PCDHGA6: variants seen among roughly 807,000 people sequenced by gnomAD.
The protein encoded by PCDHGA6 is protocadherin gamma subfamily A, 6, also known as protocadherin gamma-A6.
A neutral mutation model predicts 60.6 loss-of-function variants in PCDHGA6; 41 were observed. That is an observed-to-expected ratio of 0.68 (90% CI 0.53 to 0.88). The LOEUF is 0.88. Ranked by LOEUF, PCDHGA6 falls within the 40% of genes least tolerant of loss-of-function variation. The pLI is 0.00. For missense variants in PCDHGA6, 1,312 were observed against 1,203.0 expected (o/e 1.09, Z -1.34); for synonymous variants, 594 against 524.4 (o/e 1.13, Z -1.81).
intron 1 of PCDHGA6, chr5:141,414,822 C>A: frequency 6.2e-7 from 1 of 1,614,240 alleles, no homozygotes; most frequent in Non-Finnish European, 8.5e-7. Context: ...TCAGCAGCAA[C>A]GTGTCGTTGA....
chr5:141,511,486 TC>T lies in PCDHGA6; in HGVS notation c.*315del. The T allele has an allele frequency of 2.2e-6, 1 of 449,906 alleles. No homozygotes were observed. 27.9% of individuals were successfully genotyped at this position (449,906 alleles called of 1,614,324 possible). A position where few individuals can be genotyped will look rare whatever the true frequency, so the allele number is the denominator to read the frequency against. On this transcript the variant is annotated 3_prime_UTR_variant, in exon 4 of 4. Transcript: ENST00000517434. ...CCCCGTTTAGTTACAGCTGAACTCC[TC>T]CATCTTCCAAATCAATCAGGCCCAT...
chr5:141,391,744 C>T (rs559357798), intron 1 of PCDHGA6: 1 of 152,230 alleles, frequency 6.6e-6, no homozygotes, highest in South Asian at 2.1e-4. Context: ...TCATACTTAT[C>T]CTTTGGCTTC....
At chr5:141,461,617 C>T (rs1297064745) in intron 1 of PCDHGA6, among the ~76,000 whole-genome samples, 1 of 152,090 alleles carries the variant, frequency 6.6e-6, no homozygotes, top group African/African-American at 2.4e-5. Flanking sequence ...AAAGTATTTT[C>T]TAATACACCT....
intron 1 of PCDHGA6, among the ~76,000 whole-genome samples, chr5:141,457,517 TTAA>T (rs1261688593): frequency 6.6e-6 from 1 of 152,196 alleles, no homozygotes; most frequent in Non-Finnish European, 1.5e-5. Flanking sequence ...TTAAAAACAA[TTAA>T]TGAGACTAGG....
intron 1 of PCDHGA6, among the ~76,000 whole-genome samples, chr5:141,439,224 T>C (rs989512996): frequency 2.2e-4 from 33 of 152,030 alleles, no homozygotes; most frequent in Middle Eastern, 3.4e-3. Context: ...TGAAAATTCT[T>C]AGAAGCTTCC....
intron 1 of PCDHGA6, chr5:141,390,623 T>C (rs2092193421): frequency 3.8e-6 from 1 of 264,274 alleles, no homozygotes; most frequent in African/African-American, 2.3e-5. Flanking sequence ...TGTTGACTAA[T>C]ATATGATGAA....
rs1321974739 is a variant in PCDHGA6, at chr5:141,432,755, G to A, written c.2424+56248G>A. The A allele has an allele frequency of 2.5e-6, 4 of 1,614,134 alleles. No individual in the cohort carries two copies. Among genetic ancestry groups the A allele is most frequent in the African/African-American group, 1.3e-5 (1 of 75,060 alleles). On this transcript the variant is annotated intron_variant, in intron 1 of 3. Coordinates refer to ENST00000517434, the MANE Select transcript of PCDHGA6 (RefSeq NM_018919.3). This position sits in a 1 kb window ranked among gnomAD's most constrained non-coding sequence, Gnocchi z 6.0. ...TGTCACGCTCACCGTGGCCGTGGCC[G>A]ACAGCATCCCCCAAGTCCTGGCGGA...
intron 1 of PCDHGA6, among the ~76,000 whole-genome samples, chr5:141,407,428 G>A (rs1211459456): frequency 6.6e-6 from 1 of 151,524 alleles, no homozygotes; most frequent in Non-Finnish European, 1.5e-5. Context: ...AATGTCTCTT[G>A]CCCTTAAAAC....
Position 141,376,463 on chromosome 5 carries a change from A to C in PCDHGA6, c.2380A>C (p.Thr794Pro), listed in dbSNP as rs1772718380. ...SYEKSEPLLITQDLLETKGEP... is the reference protein window; with the variant it reads ...SYEKSEPLLIPQDLLETKGEP... The stretch of plus-strand genomic sequence containing the variant: ...TGAGAAAAGCGAGCCTCTTCTGATA[A>C]CTCAGGATTTACTTGAAACGAAAGG... Residue 794 changes from threonine to proline, a missense_variant, in exon 1 of 4, where the codon ACT becomes CCT. Transcript: ENST00000517434. 1 of 1,614,212 alleles carries C rather than the reference A, an allele frequency of 6.2e-7. No homozygotes were observed. Among genetic ancestry groups the C allele is most frequent in the South Asian group, 1.1e-5 (1 of 91,088 alleles).
rs538105673 is a variant in PCDHGA6, at chr5:141,427,796, C to T, written c.2424+51289C>T. On this transcript the variant is annotated intron_variant, in intron 1 of 3. Transcript: ENST00000517434. Reference sequence around the variant, plus strand: ...TGCGGGCACTGTCGTCCTACGTGTCCGTGAGCGCACAGAGCGGGGTGGTGG... The same window carrying T: ...TGCGGGCACTGTCGTCCTACGTGTCTGTGAGCGCACAGAGCGGGGTGGTGG... The T allele has an allele frequency of 3.6e-4, 547 of 1,502,104 alleles. 5 individuals carry two copies. In the South Asian group the frequency reaches 5.9e-3, roughly 16 times the overall value. The allele number at this position is 1,502,104 out of a possible 1,614,324, so 93.0% of individuals were successfully genotyped here.
At position 141,489,585 on chromosome 5, in the gene PCDHGA6, G is replaced by A; in HGVS notation, c.2425-5222G>A. 3 of 1,614,090 alleles carry A rather than the reference G, an allele frequency of 1.9e-6. No individual in the cohort carries two copies. Among genetic ancestry groups the A allele is most frequent in the Non-Finnish European group, 2.5e-6 (3 of 1,180,004 alleles). The stretch of plus-strand genomic sequence containing the variant: ...AGGTGGTGACTGAACACCCCCTGGA[G>A]CTAATCCGTGTAGAGGTAGAGATCC... On this transcript the variant is annotated intron_variant, in intron 1 of 3. Coordinates refer to ENST00000517434, the MANE Select transcript of PCDHGA6 (RefSeq NM_018919.3). The surrounding 1 kb of genome is among the most constrained non-coding windows in gnomAD (Gnocchi z 4.5).
In PCDHGA6 at chr5:141,476,606, G is replaced by A; in HGVS notation, c.2425-18201G>A. 1 of 1,614,244 alleles carries A rather than the reference G, an allele frequency of 6.2e-7. No homozygotes were observed. Among genetic ancestry groups the A allele is most frequent in the Non-Finnish European group, 8.5e-7 (1 of 1,180,046 alleles). Reference sequence around the variant, plus strand: ...GCTCGAGAGCGCGCACGATCCCGATGTGGGAAGCAACTCTTTACAAACCTA... The same window carrying A: ...GCTCGAGAGCGCGCACGATCCCGATATGGGAAGCAACTCTTTACAAACCTA... On this transcript the variant is annotated intron_variant, in intron 1 of 3. Transcript: ENST00000517434. The surrounding 1 kb of genome is among the most constrained non-coding windows in gnomAD (Gnocchi z 7.6).
At chr5:141,510,580 G>A (rs947369646) in intron 3 of PCDHGA6, among the ~76,000 whole-genome samples, 7 of 152,248 alleles carry the variant, frequency 4.6e-5, no homozygotes, top group South Asian at 2.1e-4. Flanking sequence ...ACTATTTTAC[G>A]TACCTGACAT....
chr5:141,497,240 GA>G (rs1221446648), intron 2 of PCDHGA6, among the ~76,000 whole-genome samples: 125 of 152,188 alleles, frequency 8.2e-4, no homozygotes, highest in African/African-American at 3.0e-3. Flanking sequence ...AGGCTTCTAG[GA>G]GGAGGTGACA....
rs139344941 is a variant in PCDHGA6, at chr5:141,480,950, C to T, written c.2425-13857C>T. Among the ~76,000 whole-genome samples the T allele has an allele frequency of 6.7e-3, 1,016 of 152,086 alleles. 11 individuals carry two copies. Among genetic ancestry groups the T allele is most frequent in the African/African-American group, 0.023 (953 of 41,456 alleles). On this transcript the variant is annotated intron_variant, in intron 1 of 3. Transcript: ENST00000517434. ...GTCCCAGCTACTCTAGAGGCTGAGG[C>T]GGAAGCATCAGTGAGGGAGAATCAG...
chr5:141,392,511 A>T (rs1368500575), intron 1 of PCDHGA6: 1 of 240,352 alleles, frequency 4.2e-6, no homozygotes, highest in Non-Finnish European at 7.9e-6. Flanking sequence ...TTTTTTTCTC[A>T]GTAATCTAGT....
At chr5:141,413,118 G>A (rs999214227) in intron 1 of PCDHGA6, 4 of 1,517,034 alleles carry the variant, frequency 2.6e-6, no homozygotes, top group Admixed American at 4.3e-5. Flanking sequence ...CAAAGGAACC[G>A]GTTGAAACAC....
Position 141,489,732 on chromosome 5 carries a change from C to T in PCDHGA6, c.2425-5075C>T, listed in dbSNP as rs1562132763. On this transcript the variant is annotated intron_variant, in intron 1 of 3. Coordinates refer to ENST00000517434, the MANE Select transcript of PCDHGA6 (RefSeq NM_018919.3). This position sits in a 1 kb window ranked among gnomAD's most constrained non-coding sequence, Gnocchi z 4.5. ...GTGCCCAGGATCCGGATGTGGGCAC[C>T]AATACTGTGAGCTTTTACACTCTAA... 3.1e-6 allele frequency: 5 copies of T among 1,614,126 alleles called. No individual in the cohort carries two copies. The highest frequency in any genetic ancestry group is 1.1e-5 in the South Asian group (1 of 91,074).
At position 141,486,114 on chromosome 5, in the gene PCDHGA6, A is replaced by G; in HGVS notation, c.2425-8693A>G. On this transcript the variant is annotated intron_variant, in intron 1 of 3. Coordinates refer to ENST00000517434, the MANE Select transcript of PCDHGA6 (RefSeq NM_018919.3). This position sits in a 1 kb window ranked among gnomAD's most constrained non-coding sequence, Gnocchi z 5.0. ...GGGCCCCTAGACTTTGAGAGTGAGAATTACTATGAATTTGATGTGCGGGCT... is the reference window on the plus strand; with the variant it reads ...GGGCCCCTAGACTTTGAGAGTGAGAGTTACTATGAATTTGATGTGCGGGCT... 3 of 1,614,082 alleles carry G rather than the reference A, an allele frequency of 1.9e-6. No individual in the cohort carries two copies. Among genetic ancestry groups the G allele is most frequent in the South Asian group, 2.2e-5 (2 of 91,072 alleles).
Sources: allele counts gnomAD v4.1 joint callset (sites outside exome capture counted in the v4.1 genomes callset), GRCh38; gene constraint gnomAD v4.1.1; non-coding constraint Gnocchi (gnomAD v3.1); transcripts MANE v1.5; gene names NCBI Gene and HGNC (gene_info 2026-07-23, HGNC 2026-07-21).